The following ACOX3 variants were observed in gnomAD, a reference collection of about 807,000 sequenced individuals.
ACOX3 encodes the protein peroxisomal acyl-coenzyme A oxidase 3.
Under a neutral mutation model 81.5 loss-of-function variants are expected in ACOX3, and 73 were observed. The observed-to-expected ratio is 0.90, with a 90% CI of 0.74 to 1.09. The LOEUF (loss-of-function observed/expected upper bound fraction) is 1.09. Ranked by LOEUF, ACOX3 falls within the 50% of genes least tolerant of loss-of-function variation. The pLI is 0.00. For missense variants in ACOX3, 947 were observed against 928.0 expected (o/e 1.02, Z -0.27); for synonymous variants, 387 against 375.1 (o/e 1.03, Z -0.37).
Position 8,367,025 on chromosome 4 carries a change from G to A in ACOX3, c.2039C>T (p.Ala680Val). 15 of 1,614,120 alleles carry A rather than the reference G, an allele frequency of 9.3e-6. No individual in the cohort carries two copies. The highest frequency in any genetic ancestry group is 1.2e-5 in the Non-Finnish European group (14 of 1,180,010). ...CACAGAAAACTCTGGCCACCAGGAT[G>A]CCCGCTCCAACACCTTGCTTTCCTG... ...VLQESKVLER[A>V]SWWPEFSVNK... The change falls in exon 18 of 18, where the codon GCA (alanine) becomes GTA (valine). Residue 680 changes from alanine to valine, a missense_variant. Transcript: ENST00000356406.
the ACOX3 span, chr4:8,356,428 C>G: frequency 1.5e-5 from 6 of 413,654 alleles, no homozygotes; most frequent in East Asian, 7.1e-5. Flanking sequence ...GGAGCAGAAG[C>G]CTTGATCTCT....
downstream of ACOX3, among the ~76,000 whole-genome samples, chr4:8,364,375 G>A (rs536097538): frequency 6.6e-6 from 1 of 152,362 alleles, no homozygotes; most frequent in South Asian, 2.1e-4. This position sits in a 1 kb window ranked among gnomAD's most constrained non-coding sequence, Gnocchi z 5.0. Context: ...AACACTGCCA[G>A]TAAAGTGTGC....
At chr4:8,428,798 T>C (rs1723765811) in intron 1 of ACOX3, among the ~76,000 whole-genome samples, 1 of 152,208 alleles carries the variant, frequency 6.6e-6, no homozygotes, top group South Asian at 2.1e-4. Flanking sequence ...CAGCAGGCTC[T>C]AGGTGGTGGC....
the ACOX3 span, among the ~76,000 whole-genome samples, chr4:8,358,651 C>T: frequency 6.6e-6 from 1 of 152,162 alleles, no homozygotes; most frequent in African/African-American, 2.4e-5. Context: ...CTGGCTAAAT[C>T]CCACCAAAAC....
chr4:8,413,875 C>A (rs980552520), intron 5 of ACOX3, among the ~76,000 whole-genome samples: 1 of 152,250 alleles, frequency 6.6e-6, no homozygotes, highest in African/African-American at 2.4e-5. Flanking sequence ...AGGCTCTTCG[C>A]AGAGGGACAG....
chr4:8,395,267 T>G (rs1214454862), intron 9 of ACOX3, among the ~76,000 whole-genome samples: 3 of 41,290 alleles, frequency 7.3e-5, no homozygotes, highest in Non-Finnish European at 1.4e-4. Flanking sequence ...GGTGGGTGGG[T>G]GGATGGATGC....
At position 8,437,341 on chromosome 4, in the gene ACOX3, C is replaced by T. The variant is rs576634155; in HGVS notation, c.-15+3307G>A. Among the ~76,000 whole-genome samples the T allele has an allele frequency of 9.9e-5, 15 of 152,008 alleles. No homozygotes were observed. Among genetic ancestry groups the T allele is most frequent in the African/African-American group, 2.9e-4 (12 of 41,476 alleles). On this transcript the variant is annotated intron_variant, in intron 1 of 17. Transcript: ENST00000356406. The surrounding 1 kb of genome is among the most constrained non-coding windows in gnomAD (Gnocchi z 5.2). ...CCAAGGGTTAAATTCCTCTCCCCGG[C>T]TCAGCTCTATCTAGAAAAAAAGAGG...
At chr4:8,373,821 C>A in intron 15 of ACOX3, 193 bp from the exon 16 acceptor site, 1 of 608,770 alleles carries the variant, frequency 1.6e-6, no homozygotes, top group Non-Finnish European at 2.9e-6. Flanking sequence ...GTTCTGAGAC[C>A]CTTTTCCCAC....
chr4:8,362,626 C>CA (rs1715256796), downstream of ACOX3, among the ~76,000 whole-genome samples: 2 of 152,194 alleles, frequency 1.3e-5, no homozygotes, highest in South Asian at 2.1e-4. Context: ...CCAATAAAAG[C>CA]CCCTTGGCGA....
rs1722135450 is a variant in ACOX3, at chr4:8,414,752, A to T, written c.453+102T>A. 8.6e-7 allele frequency: 1 copy of T among 1,167,326 alleles called. No homozygotes were observed. The highest frequency in any genetic ancestry group is 1.3e-6 in the Non-Finnish European group (1 of 782,478). 72.3% of individuals were successfully genotyped at this position (1,167,326 alleles called of 1,614,324 possible). The stretch of plus-strand genomic sequence containing the variant: ...AACACTAGGAAACAAGAAGAGCATA[A>T]GCCCCCTGGGCACCCCCTTCTACAA... On this transcript the variant is annotated intron_variant, in intron 4 of 17. Transcript: ENST00000356406. This position sits in a 1 kb window ranked among gnomAD's most constrained non-coding sequence, Gnocchi z 6.1.
intron 1 of ACOX3, among the ~76,000 whole-genome samples, chr4:8,435,141 T>C (rs1054849694): frequency 1.3e-5 from 2 of 152,248 alleles, no homozygotes; most frequent in African/African-American, 4.8e-5. Flanking sequence ...AGAAAGGTTT[T>C]GCAGGGGATT....
In ACOX3 at chr4:8,407,967, A is replaced by G. The variant is rs1283517907; in HGVS notation, c.688-1924T>C. Among the ~76,000 whole-genome samples, 1 of 152,222 alleles carries G rather than the reference A, an allele frequency of 6.6e-6. No homozygotes were observed. The highest frequency in any genetic ancestry group is 2.4e-5 in the African/African-American group (1 of 41,460). The stretch of plus-strand genomic sequence containing the variant: ...GAATGGCCAGACGCCAGAAGTGCTC[A>G]GCCCAGCCCTGGGCATACAGGGCGC... On this transcript the variant is annotated intron_variant, in intron 6 of 17. Transcript: ENST00000356406. This position sits in a 1 kb window ranked among gnomAD's most constrained non-coding sequence, Gnocchi z 4.6.
At chr4:8,364,506 G>C (rs1206091248), downstream of ACOX3, among the ~76,000 whole-genome samples, 1 of 94,220 alleles carries the variant, frequency 1.1e-5, no homozygotes, top group Non-Finnish European at 2.4e-5. The surrounding 1 kb of genome is among the most constrained non-coding windows in gnomAD (Gnocchi z 5.0). Context: ...GTCTGACATG[G>C]TGACATCGTG....
intron 5 of ACOX3, among the ~76,000 whole-genome samples, chr4:8,412,792 C>G (rs1721870226): frequency 6.6e-6 from 1 of 151,982 alleles, no homozygotes; most frequent in Non-Finnish European, 1.5e-5. Flanking sequence ...TGGGTGAGGA[C>G]CCTCCCCATC....
chr4:8,423,337 C>T lies in ACOX3; in HGVS notation c.-14-6802G>A, dbSNP rs1208666596. Among the ~76,000 whole-genome samples the T allele has an allele frequency of 6.6e-6, 1 of 152,126 alleles. No individual in the cohort carries two copies. The highest frequency in any genetic ancestry group is 2.4e-5 in the African/African-American group (1 of 41,420). ...TGGGAGAAGGAACACCGTTTGCTGT[C>T]CCCTACTTGAGGAAGGAATTAATCC... On this transcript the variant is annotated intron_variant, in intron 1 of 17. Coordinates refer to ENST00000356406, the MANE Select transcript of ACOX3 (RefSeq NM_003501.3). This position sits in a 1 kb window ranked among gnomAD's most constrained non-coding sequence, Gnocchi z 4.2.
At chr4:8,365,165 C>T (rs181309674), downstream of ACOX3, among the ~76,000 whole-genome samples, 6 of 152,312 alleles carry the variant, frequency 3.9e-5, no homozygotes, top group East Asian at 7.7e-4. Context: ...CTGGGGACCC[C>T]GGGCCCGTGA....
rs781059608 is a variant in ACOX3 at position 8,418,878 on chromosome 4, AAAC to A, written c.-14-2346_-14-2344del. Among the ~76,000 whole-genome samples the A allele has an allele frequency of 9.9e-5, 15 of 152,280 alleles. No individual in the cohort carries two copies. In the East Asian group the frequency reaches 1.4e-3, roughly 14 times the overall value. Reference sequence around the variant, plus strand: ...CGGTCTCAAAGAAAACAAAACAAACAAACAACAACAACAACAAAAACACAGAAA... The same window carrying A: ...CGGTCTCAAAGAAAACAAAACAAACAAACAACAACAACAAAAACACAGAAA... On this transcript the variant is annotated intron_variant, in intron 1 of 17. Coordinates refer to ENST00000356406, the MANE Select transcript of ACOX3 (RefSeq NM_003501.3).
chr4:8,398,508 G>T (rs1719971883), intron 8 of ACOX3, among the ~76,000 whole-genome samples: 2 of 151,938 alleles, frequency 1.3e-5, no homozygotes, highest in South Asian at 4.2e-4. Flanking sequence ...TTGAGACAGG[G>T]TCTCGCTCTG....
intron 7 of ACOX3, among the ~76,000 whole-genome samples, chr4:8,403,423 C>T (rs576669359): frequency 2.7e-4 from 41 of 152,298 alleles, no homozygotes; most frequent in African/African-American, 8.7e-4. Flanking sequence ...GAGAGCAGGC[C>T]GCCTGCATCA....
Sources: gnomAD v4.1 joint callset for allele counts (sites outside exome capture counted in the v4.1 genomes callset) on GRCh38, gnomAD v4.1.1 for gene constraint, Gnocchi (gnomAD v3.1) non-coding constraint, MANE v1.5 for transcripts, NCBI Gene and HGNC (gene_info 2026-07-23, HGNC 2026-07-21) for gene names.